SLC22A2: variants seen among roughly 807,000 people sequenced by gnomAD.
SLC22A2 encodes the protein solute carrier family 22 member 2.
In SLC22A2, 46 loss-of-function variants were observed where a neutral mutation model predicts 60.5. The ratio of observed to expected loss-of-function variants is 0.76; its 90% CI spans 0.60 to 0.97. SLC22A2 has a LOEUF of 0.97. Ranked by LOEUF, SLC22A2 falls within the 50% of genes least tolerant of loss-of-function variation. The probability of loss-of-function intolerance (pLI) is 0.00; values close to 1 mark genes in which losing one functional copy is unlikely to be tolerated. For missense variants in SLC22A2, 701 were observed against 706.6 expected, an observed-to-expected ratio of 0.99 and a Z score of 0.09; for synonymous variants, 303 against 267.0, an observed-to-expected ratio of 1.13 and a Z score of -1.31.
chr6:160,219,013 A>G, intron 10 of SLC22A2, among the ~76,000 whole-genome samples: 1 of 152,306 alleles, frequency 6.6e-6, no homozygotes, highest in Non-Finnish European at 1.5e-5. Flanking sequence ...TAGCAGCAAC[A>G]CCAGCAGCAG....
At chr6:160,218,375 A>C in intron 10 of SLC22A2, 1 of 366,210 alleles carries the variant, frequency 2.7e-6, no homozygotes, top group South Asian at 2.1e-5. Context: ...AAAAGCAAGA[A>C]CAGCAGCAAC....
intron 9 of SLC22A2, among the ~76,000 whole-genome samples, chr6:160,239,975 C>T (rs143485708): frequency 0.015 from 2,307 of 152,170 alleles, 189 homozygotes; most frequent in Admixed American, 0.14. Flanking sequence ...AGCAGGGTAG[C>T]TGTGTGGGGC....
chr6:160,232,188 C>A (rs1782835755), intron 9 of SLC22A2, among the ~76,000 whole-genome samples: 5 of 151,870 alleles, frequency 3.3e-5, no homozygotes, highest in Admixed American at 3.3e-4. Flanking sequence ...CCACATTATT[C>A]CTGATACCAC....
intron 2 of SLC22A2, among the ~76,000 whole-genome samples, chr6:160,252,509 T>C (rs1783204663): frequency 6.6e-6 from 1 of 152,218 alleles, no homozygotes; most frequent in Non-Finnish European, 1.5e-5. Flanking sequence ...GAATCTGGGA[T>C]AGAGGTCTGA....
chr6:160,233,113 C>A (rs1246239500), intron 9 of SLC22A2, among the ~76,000 whole-genome samples: 1 of 151,968 alleles, frequency 6.6e-6, no homozygotes, highest in Admixed American at 6.5e-5. Context: ...CTCTACACAT[C>A]AAGCTCGGGG....
chr6:160,222,158 G>A (rs1782654227), intron 10 of SLC22A2, among the ~76,000 whole-genome samples: 1 of 152,164 alleles, frequency 6.6e-6, no homozygotes, highest in African/African-American at 2.4e-5. Context: ...AGTGAGATAA[G>A]GTATTAGGTA....
chr6:160,256,726 AGGG>A lies in SLC22A2; in HGVS notation c.415-12_415-10del. ...GCACATACCAGGTTAAACTGCCAGC[AGGG>A]GAGAAGTGTTCCAAGTTGGGAGAGA... On this transcript the variant is annotated splice_polypyrimidine_tract_variant and intron_variant, in intron 1 of 10. Transcript: ENST00000366953. 6.3e-7 allele frequency: 1 copy of A among 1,588,358 alleles called. No homozygotes were observed.
chr6:160,231,893 G>A (rs142119942), intron 9 of SLC22A2, among the ~76,000 whole-genome samples: 25 of 151,868 alleles, frequency 1.6e-4, no homozygotes, highest in African/African-American at 4.4e-4. Context: ...CTGTGTGGTC[G>A]GAATTCTTAT....
chr6:160,250,079 G>A (rs1243287833), intron 3 of SLC22A2, among the ~76,000 whole-genome samples: 2 of 152,204 alleles, frequency 1.3e-5, no homozygotes, highest in Non-Finnish European at 2.9e-5. Context: ...TCCTAAAAAT[G>A]GCTGGCTGAG....
chr6:160,246,370 T>C (rs1397628058), intron 5 of SLC22A2, among the ~76,000 whole-genome samples: 3 of 152,180 alleles, frequency 2.0e-5, no homozygotes, highest in Admixed American at 2.0e-4. Flanking sequence ...GTCAACGTGG[T>C]GAGATCTACT....
intron 9 of SLC22A2, among the ~76,000 whole-genome samples, chr6:160,237,361 G>C (rs112962215): frequency 6.6e-6 from 1 of 152,026 alleles, no homozygotes; most frequent in African/African-American, 2.4e-5. Flanking sequence ...ACATATTGCC[G>C]TTTTACTCTT....
chr6:160,258,554 T>C lies in SLC22A2; in HGVS notation c.204A>G (p.Ala68=). ...CCGGCACCGTGTAGTTCAGTTCCTC[T>C]GCAGGACTCCAGCCGCAGCGCAGAC... is the stretch of plus-strand genomic sequence containing the variant. ...ELSLRCGWSP[A]EELNYTVPGP... is the part of the protein sequence containing the mutation. Residue 68 remains alanine (A), a synonymous_variant, in exon 1 of 11, where the codon GCA becomes GCG. Coordinates refer to ENST00000366953, the MANE Select transcript of SLC22A2 (RefSeq NM_003058.4). 1 of 1,613,894 alleles carries C rather than the reference T, an allele frequency of 6.2e-7. No individual in the cohort carries two copies.
intron 9 of SLC22A2, among the ~76,000 whole-genome samples, chr6:160,229,181 C>T (rs909113085): frequency 6.6e-6 from 1 of 151,942 alleles, no homozygotes; most frequent in Non-Finnish European, 1.5e-5. Flanking sequence ...AGGAACATCT[C>T]ACCAATTTTA....
chr6:160,217,555 C>T, intron 10 of SLC22A2, 57 bp from the exon 11 acceptor site: 1 of 916,896 alleles, frequency 1.1e-6, no homozygotes, highest in Admixed American at 1.9e-5. Context: ...AGGCTGAAAA[C>T]CAAAATAAAG....
intron 9 of SLC22A2, among the ~76,000 whole-genome samples, chr6:160,234,053 G>A (rs984685415): frequency 2.6e-5 from 4 of 152,120 alleles, no homozygotes; most frequent in Non-Finnish European, 4.4e-5. Flanking sequence ...CTTAACTGAT[G>A]ATATTACCTT....
At chr6:160,255,950 T>C (rs1783261809) in intron 2 of SLC22A2, among the ~76,000 whole-genome samples, 1 of 152,176 alleles carries the variant, frequency 6.6e-6, no homozygotes, top group Non-Finnish European at 1.5e-5. Flanking sequence ...AGCAATAGCT[T>C]GATCCATACA....
At chr6:160,232,160 G>A (rs1216718339) in intron 9 of SLC22A2, among the ~76,000 whole-genome samples, 2 of 151,818 alleles carry the variant, frequency 1.3e-5, no homozygotes, top group South Asian at 2.1e-4. Context: ...TTCCTGGCCT[G>A]GACTTCAATC....
chr6:160,228,290 GATTA>G (rs1440709219), intron 9 of SLC22A2, among the ~76,000 whole-genome samples: 38 of 152,206 alleles, frequency 2.5e-4, no homozygotes, highest in Non-Finnish European at 1.5e-5. Context: ...CTGCAGCACT[GATTA>G]ATTAACTTTG....
chr6:160,252,954 C>T (rs761528940), intron 2 of SLC22A2, among the ~76,000 whole-genome samples: 2 of 152,124 alleles, frequency 1.3e-5, no homozygotes, highest in Non-Finnish European at 2.9e-5. Flanking sequence ...CAGTGGTGAA[C>T]GTGTTTTGGA....
Sources: allele counts gnomAD v4.1 joint callset (sites outside exome capture counted in the v4.1 genomes callset), GRCh38; gene constraint gnomAD v4.1.1; transcripts MANE v1.5; gene names NCBI Gene and HGNC (gene_info 2026-07-23, HGNC 2026-07-21).